Variants in PCLO observed in about 807,000 individuals in gnomAD.
The protein encoded by PCLO is protein piccolo.
A neutral mutation model predicts 427.5 loss-of-function variants in PCLO; 82 were observed. The ratio of observed to expected loss-of-function variants is 0.19; its 90% CI spans 0.16 to 0.23. The LOEUF (loss-of-function observed/expected upper bound fraction) is 0.23, where lower values mean the gene tolerates loss of function less well. Among genes scored for constraint, PCLO ranks in the 10% least tolerant of loss-of-function variants. The pLI, the probability that PCLO is intolerant of heterozygous loss-of-function variation, is 1.00. For missense variants in PCLO, 6,239 were observed against 6,115.9 expected (o/e 1.02, Z -0.67); for synonymous variants, 2,357 against 2,155.4 (o/e 1.09, Z -2.59).
intron 4 of PCLO, among the ~76,000 whole-genome samples, chr7:82,957,441 T>A (rs1795552761): frequency 6.6e-6 from 1 of 152,182 alleles, no homozygotes; most frequent in Admixed American, 6.5e-5. Context: ...TAACATGTCA[T>A]AATAACATAT....
At position 83,135,523 on chromosome 7, in the gene PCLO, G is replaced by T; in HGVS notation, c.2027C>A (p.Ser676Tyr). The change falls in exon 3 of 25, where the codon TCC becomes TAC. Residue 676 changes from serine (S) to tyrosine (Y), a missense_variant. By Grantham distance (144) the Ser-to-Tyr change is moderately radical. Around this residue, in one of 5 missense-constraint regions of PCLO, gnomAD observed 4,677 missense variants for 4,468.4 expected, o/e 1.05. Coordinates refer to ENST00000333891, the MANE Select transcript of PCLO (RefSeq NM_033026.6). ...VTTTSAVSKSSPQPQQTSPKK... is the reference protein window; with the variant it reads ...VTTTSAVSKSYPQPQQTSPKK... ...TGGGGAAGTCTGCTGTGGCTGTGGG[G>T]ATGATTTGCTCACTGCTGATGTAGT... is the stretch of plus-strand genomic sequence containing the variant. 1 of 1,613,712 alleles carries T rather than the reference G, an allele frequency of 6.2e-7. No individual in the cohort carries two copies. The highest frequency in any genetic ancestry group is 8.5e-7 in the Non-Finnish European group (1 of 1,179,838).
At chr7:82,873,737 T>A (rs979898211) in intron 10 of PCLO, among the ~76,000 whole-genome samples, 1 of 151,948 alleles carries the variant, frequency 6.6e-6, no homozygotes, top group Non-Finnish European at 1.5e-5. Context: ...TTTTGGATCT[T>A]CTGGACTAAA....
chr7:82,837,579 A>C (rs1351572718), intron 15 of PCLO, among the ~76,000 whole-genome samples: 1 of 152,024 alleles, frequency 6.6e-6, no homozygotes, highest in Admixed American at 6.6e-5. Flanking sequence ...GAACACAGCA[A>C]TTTGCATTAT....
At chr7:82,902,594 C>G in intron 9 of PCLO, 57 bp downstream of exon 9, 2 of 965,952 alleles carry the variant, frequency 2.1e-6, no homozygotes, top group African/African-American at 4.2e-5. Flanking sequence ...AAATGCAAAA[C>G]AAAACAAAAC....
chr7:82,963,396 T>C (rs1310369900), intron 4 of PCLO, among the ~76,000 whole-genome samples: 1 of 152,106 alleles, frequency 6.6e-6, no homozygotes, highest in Non-Finnish European at 1.5e-5. Context: ...TTAAGGAAGG[T>C]TAACACTTAT....
rs1788848072 is a variant in PCLO at position 83,038,015 on chromosome 7, ATATATATATATATATTTATATATT to A, written c.3301-71552_3301-71529del. Among the ~76,000 whole-genome samples the A allele has an allele frequency of 1.7e-4, 8 of 47,918 alleles. 1 individual carries two copies. The highest frequency in any genetic ancestry group is 8.8e-4 in the African/African-American group (6 of 6,826). The allele number at this position is 47,918 out of a possible 152,430, so 31.4% of individuals were successfully genotyped here. On this transcript the variant is annotated intron_variant, in intron 3 of 24. Transcript: ENST00000333891. ...TATATATATATATATATATATATAT[ATATATATATATATATTTATATATT>A]TATATATATATCTTTATATATATAT...
intron 3 of PCLO, among the ~76,000 whole-genome samples, chr7:83,073,308 A>G (rs1234954072): frequency 6.6e-6 from 1 of 152,070 alleles, no homozygotes; most frequent in Non-Finnish European, 1.5e-5. Context: ...TCATAATATA[A>G]TGTGGAGCAA....
At chr7:83,100,017 T>C (rs1214563804) in intron 3 of PCLO, among the ~76,000 whole-genome samples, 1 of 152,164 alleles carries the variant, frequency 6.6e-6, no homozygotes, top group Non-Finnish European at 1.5e-5. Context: ...GCTTAATTAC[T>C]AAAAGAATCT....
At chr7:82,817,297 T>A (rs994756575) in intron 20 of PCLO, among the ~76,000 whole-genome samples, 1 of 152,238 alleles carries the variant, frequency 6.6e-6, no homozygotes, top group Non-Finnish European at 1.5e-5. Context: ...AATTTGTTTT[T>A]ATTAATCTTG....
chr7:82,825,704 A>G (rs1791920221), intron 18 of PCLO, among the ~76,000 whole-genome samples: 1 of 148,104 alleles, frequency 6.8e-6, no homozygotes, highest in African/African-American at 2.5e-5. Flanking sequence ...TATACACTGT[A>G]GACATACAAT....
At chr7:83,143,642 CAA>C (rs36020139) in intron 2 of PCLO, among the ~76,000 whole-genome samples, 13,670 of 103,144 alleles carry the variant, frequency 0.13, 799 homozygotes, top group Middle Eastern at 0.26. Context: ...CAGGATTGCC[CAA>C]AAAAAAAAAA....
chr7:82,794,943 G>A (rs1366527717), intron 22 of PCLO, among the ~76,000 whole-genome samples: 2 of 151,956 alleles, frequency 1.3e-5, no homozygotes, highest in South Asian at 2.1e-4. Flanking sequence ...TTTACTATAT[G>A]TGTTATTATT....
intron 16 of PCLO, among the ~76,000 whole-genome samples, chr7:82,834,258 C>T (rs1792170234): frequency 6.6e-6 from 1 of 152,018 alleles, no homozygotes; most frequent in South Asian, 2.1e-4. Context: ...AATATCTGTT[C>T]TAAAAATAAC....
chr7:83,027,842 C>A, intron 3 of PCLO, among the ~76,000 whole-genome samples: 1 of 111,876 alleles, frequency 8.9e-6, no homozygotes, highest in African/African-American at 3.2e-5. Flanking sequence ...ATAAACAGAG[C>A]CAAAGACAAA....
intron 3 of PCLO, among the ~76,000 whole-genome samples, chr7:83,081,877 AGAAT>A (rs1289217436): frequency 6.6e-6 from 1 of 151,822 alleles, no homozygotes; most frequent in African/African-American, 2.4e-5. Context: ...TATAATACCT[AGAAT>A]AATATTCCTA....
At position 82,955,549 on chromosome 7, in the gene PCLO, T is replaced by C. The variant is rs572868112; in HGVS notation, c.5404A>G (p.Ser1802Gly). The change falls in exon 5 of 25, where the codon AGT becomes GGT. Residue 1802 changes from serine (S) to glycine (G), a missense_variant. By Grantham distance (56) the Ser-to-Gly change is moderately conservative. Around this residue, in one of 5 missense-constraint regions of PCLO, gnomAD observed 4,677 missense variants for 4,468.4 expected, o/e 1.05. Transcript: ENST00000333891. ...TCTTTCTTTGATTTTTTACTAGAAC[T>C]CTTTCTTTGTTGCTGTTCTATTTCC... ...QREIEQQQRK[S>G]SSKKSKKDKD... The C allele has an allele frequency of 1.9e-6, 3 of 1,613,976 alleles. No homozygotes were observed. Among genetic ancestry groups the C allele is most frequent in the South Asian group, 1.1e-5 (1 of 91,080 alleles).
At chr7:83,094,653 A>C (rs1252668728) in intron 3 of PCLO, among the ~76,000 whole-genome samples, 1 of 152,122 alleles carries the variant, frequency 6.6e-6, no homozygotes, top group Non-Finnish European at 1.5e-5. Flanking sequence ...CATCTGGCTT[A>C]TTTCCAGTTT....
chr7:83,034,346 A>T (rs1788741164), intron 3 of PCLO, among the ~76,000 whole-genome samples: 1 of 152,080 alleles, frequency 6.6e-6, no homozygotes, highest in Non-Finnish European at 1.5e-5. Flanking sequence ...GCACAACCAC[A>T]CCGAGCTACT....
At chr7:82,804,964 A>T (rs1791429083) in intron 21 of PCLO, among the ~76,000 whole-genome samples, 3 of 152,166 alleles carry the variant, frequency 2.0e-5, no homozygotes. Flanking sequence ...AAAGTCAGGA[A>T]GTTTGGATTT....
Sources: gnomAD v4.1 joint callset for allele counts (sites outside exome capture counted in the v4.1 genomes callset) on GRCh38, gnomAD v4.1.1 for gene constraint, gnomAD v4.1.1 regional missense constraint, MANE v1.5 for transcripts, NCBI Gene and HGNC (gene_info 2026-07-23, HGNC 2026-07-21) for gene names.